TENM2: variants seen among roughly 807,000 people sequenced by gnomAD.
The protein encoded by TENM2 is teneurin transmembrane protein 2.
A neutral mutation model predicts 245.2 loss-of-function variants in TENM2; 52 were observed. The observed-to-expected ratio is 0.21, with a 90% confidence interval of 0.17 to 0.27. The LOEUF is 0.27. TENM2 is among the 10% of genes least tolerant of loss of function. The probability of loss-of-function intolerance (pLI) is 1.00; values close to 1 mark genes in which losing one functional copy is unlikely to be tolerated. For synonymous variants in TENM2, 1,363 were observed against 1,438.9 expected (o/e 0.95, Z 1.19); for missense variants, 3,046 against 3,666.8 (o/e 0.83, Z 4.37).
chr5:167,635,935 C>T (rs1240390527), intron 2 of TENM2, among the ~76,000 whole-genome samples: 2 of 151,588 alleles, frequency 1.3e-5, no homozygotes, highest in South Asian at 2.1e-4. Flanking sequence ...TGAGTCACAG[C>T]GCCCGGCCCA....
chr5:167,954,860 T>C (rs1486716598), intron 4 of TENM2, among the ~76,000 whole-genome samples: 1 of 152,230 alleles, frequency 6.6e-6, no homozygotes, highest in Non-Finnish European at 1.5e-5. Context: ...CTTTATCCAG[T>C]CTATCATGGA....
rs1774429669 is a variant in TENM2, at chr5:167,887,974, T to C, written c.712+11779T>C. On this transcript the variant is annotated intron_variant, in intron 3 of 28. Coordinates refer to ENST00000518659, the Ensembl canonical transcript of TENM2. ...TCCAGTCCCTGCCTCCACCTTCTAA[T>C]GGCCCTCTTCTCCCTGCGTGTGTCT... is the stretch of plus-strand genomic sequence containing the variant. Among the ~76,000 whole-genome samples, 5 of 152,174 alleles carry C rather than the reference T, an allele frequency of 3.3e-5. 2 individuals carry two copies. In the South Asian group the frequency reaches 1.0e-3, roughly 31 times the overall value.
At chr5:168,251,259 C>G (rs930832722) in intron 27 of TENM2, among the ~76,000 whole-genome samples, 1 of 152,210 alleles carries the variant, frequency 6.6e-6, no homozygotes, top group Non-Finnish European at 1.5e-5. Context: ...GCACAGTCAG[C>G]CTCACTGACC....
intron 2 of TENM2, among the ~76,000 whole-genome samples, chr5:167,403,498 TTG>T (rs1450028723): frequency 1.3e-5 from 2 of 152,160 alleles, no homozygotes; most frequent in South Asian, 2.1e-4. Context: ...CAGCTTAGTT[TTG>T]TCAATGCTTC....
At chr5:167,305,397 ACTCAGTGGC>A (rs1162573793) in intron 1 of TENM2, among the ~76,000 whole-genome samples, 5 of 152,156 alleles carry the variant, frequency 3.3e-5, no homozygotes, top group Non-Finnish European at 7.4e-5. Flanking sequence ...TTGCATATTT[ACTCAGTGGC>A]TAACGAAAAC....
the TENM2 span, among the ~76,000 whole-genome samples, chr5:167,115,981 G>C: frequency 6.6e-6 from 1 of 152,190 alleles, no homozygotes; most frequent in African/African-American, 2.4e-5. Flanking sequence ...TAATAGGACT[G>C]TTGTGAGAAT....
chr5:167,319,157 G>T (rs1382439981), intron 1 of TENM2, among the ~76,000 whole-genome samples: 1 of 152,172 alleles, frequency 6.6e-6, no homozygotes, highest in African/African-American at 2.4e-5. Flanking sequence ...GTGGGGCCAG[G>T]CTGAATATTA....
chr5:168,236,937 ATCATATATATATATATATATAT>A lies in TENM2; in HGVS notation c.5521-7482_5521-7461del, dbSNP rs1562318418. Among the ~76,000 whole-genome samples, 153 of 61,334 alleles carry A rather than the reference ATCATATATATATATATATATAT, an allele frequency of 2.5e-3. 1 individual carries two copies. Among genetic ancestry groups the A allele is most frequent in the Non-Finnish European group, 3.6e-3 (122 of 33,814 alleles). 40.2% of individuals were successfully genotyped at this position (61,334 alleles called of 152,430 possible). A position where few individuals can be genotyped will look rare whatever the true frequency, so the allele number is the denominator to read the frequency against. ...ATATTTTGAGACCACAGATGTCCTA[ATCATATATATATATATATATAT>A]ATATATATATATATATATATATATA... On this transcript the variant is annotated intron_variant, in intron 25 of 28. Transcript: ENST00000518659.
chr5:167,851,856 C>G (rs955090468), intron 2 of TENM2, among the ~76,000 whole-genome samples: 2 of 152,194 alleles, frequency 1.3e-5, no homozygotes, highest in African/African-American at 2.4e-5. Flanking sequence ...ATTATTGTCT[C>G]TTTTAGGAAT....
chr5:167,221,519 A>C, the TENM2 span, among the ~76,000 whole-genome samples: 2 of 152,162 alleles, frequency 1.3e-5, no homozygotes, highest in African/African-American at 4.8e-5. Flanking sequence ...TTGACAGTTT[A>C]GTTTTTTTCT....
the TENM2 span, among the ~76,000 whole-genome samples, chr5:167,194,228 T>C: frequency 3.9e-4 from 60 of 152,170 alleles, no homozygotes; most frequent in African/African-American, 1.4e-3. Context: ...TCGCAAAGCA[T>C]TGTGTACCGG....
At chr5:167,507,704 A>C (rs1769648403) in intron 2 of TENM2, among the ~76,000 whole-genome samples, 1 of 152,056 alleles carries the variant, frequency 6.6e-6, no homozygotes, top group African/African-American at 2.4e-5. Flanking sequence ...CTCAATGAAA[A>C]CTAAAATAAA....
At chr5:167,569,788 T>C (rs1774153210) in intron 2 of TENM2, among the ~76,000 whole-genome samples, 1 of 152,176 alleles carries the variant, frequency 6.6e-6, no homozygotes, top group African/African-American at 2.4e-5. Flanking sequence ...TATTAAGTTC[T>C]CACAATATTT....
chr5:168,028,279 G>A (rs534703129), intron 5 of TENM2, among the ~76,000 whole-genome samples: 2 of 152,246 alleles, frequency 1.3e-5, no homozygotes, highest in Admixed American at 6.5e-5. Flanking sequence ...GGTTCCACCC[G>A]GGAATCACTG....
intron 2 of TENM2, among the ~76,000 whole-genome samples, chr5:167,750,272 G>A (rs1262177123): frequency 6.6e-6 from 1 of 152,124 alleles, no homozygotes; most frequent in Non-Finnish European, 1.5e-5. Flanking sequence ...ACGGGTTGCA[G>A]CTGCTGTCCA....
At chr5:167,472,735 C>T (rs1767116660) in intron 2 of TENM2, among the ~76,000 whole-genome samples, 1 of 152,164 alleles carries the variant, frequency 6.6e-6, no homozygotes. Flanking sequence ...GCTAAACAGA[C>T]AGTTTAATTG....
At chr5:167,516,704 T>C (rs1000459656) in intron 2 of TENM2, among the ~76,000 whole-genome samples, 1 of 152,216 alleles carries the variant, frequency 6.6e-6, no homozygotes, top group Non-Finnish European at 1.5e-5. Flanking sequence ...CTGAGTTGTG[T>C]TCCTGCTATT....
intron 2 of TENM2, among the ~76,000 whole-genome samples, chr5:167,657,474 G>C (rs1291685516): frequency 6.6e-6 from 1 of 152,134 alleles, no homozygotes. Flanking sequence ...CCATACACTA[G>C]TTTCCTTTCC....
At chr5:167,008,265 T>C in the TENM2 span, among the ~76,000 whole-genome samples, 1 of 152,164 alleles carries the variant, frequency 6.6e-6, no homozygotes, top group Non-Finnish European at 1.5e-5. Flanking sequence ...GTTTGTTTGT[T>C]TTCTGTCATA....
Sources: gnomAD v4.1 joint callset for allele counts (sites outside exome capture counted in the v4.1 genomes callset) on GRCh38, gnomAD v4.1.1 for gene constraint, MANE v1.5 for transcripts, NCBI Gene and HGNC (gene_info 2026-07-23, HGNC 2026-07-21) for gene names.